The following CYP24A1 variants were observed in gnomAD, a reference collection of about 807,000 sequenced individuals.
The protein encoded by CYP24A1 is 1,25-dihydroxyvitamin D(3) 24-hydroxylase, mitochondrial.
CYP24A1 carries 68 observed loss-of-function variants against 62.4 expected under a neutral mutation model. The ratio of observed to expected loss-of-function variants is 1.09; its 90% CI spans 0.90 to 1.33. The LOEUF is 1.33. Among genes scored for constraint, CYP24A1 ranks in the 40% most tolerant of loss-of-function variants. The pLI is 0.00. For missense variants in CYP24A1, 787 were observed against 653.0 expected (o/e 1.21, Z -2.24); for synonymous variants, 267 against 253.0 (o/e 1.06, Z -0.52).
chr20:54,170,564 T>TG (rs2092690508), intron 3 of CYP24A1, among the ~76,000 whole-genome samples: 1 of 151,656 alleles, frequency 6.6e-6, no homozygotes, highest in African/African-American at 2.4e-5. Flanking sequence ...TTGTTACCAT[T>TG]AAAAAAAACA....
Position 54,157,442 on chromosome 20 carries a change from T to G in CYP24A1, c.1380A>C (p.Arg460Ser). 1 of 1,607,740 alleles carries G rather than the reference T, an allele frequency of 6.2e-7. No individual in the cohort carries two copies. The highest frequency in any genetic ancestry group is 8.5e-7 in the Non-Finnish European group (1 of 1,174,142). ...FAHLPFGVGK[R>S]MCIGRRLAEL... ...CTGCTAATCGGCGACCAATGCACAT[T>G]CTTTTTCCAACGCCAAATGGAAGAT... is the stretch of plus-strand genomic sequence containing the variant. Residue 460 changes from arginine (R) to serine (S), a missense_variant, in exon 10 of 12, where the codon AGA becomes AGC. Arg to Ser is a moderately radical substitution (Grantham distance 110). Coordinates refer to ENST00000216862, the MANE Select transcript of CYP24A1 (RefSeq NM_000782.5).
In CYP24A1 at chr20:54,158,962, A is replaced by G; in HGVS notation, c.1152T>C (p.Ser384=). ...MPYLKACLKE[S]MRLTPSVPFT... Reference sequence around the variant, plus strand: ...GCTCAGAGATAGGCTCTTACCTCATAGATTCTTTCAGACAGGCTTTTAAAT... The same window carrying G: ...GCTCAGAGATAGGCTCTTACCTCATGGATTCTTTCAGACAGGCTTTTAAAT... Residue 384 remains serine (S), a synonymous_variant, in exon 8 of 12, where the codon TCT becomes TCC. Transcript: ENST00000216862. 2 of 1,614,218 alleles carry G rather than the reference A, an allele frequency of 1.2e-6. No homozygotes were observed. The highest frequency in any genetic ancestry group is 1.1e-5 in the South Asian group (1 of 91,088).
intron 7 of CYP24A1, among the ~76,000 whole-genome samples, chr20:54,159,431 G>T (rs1467138016): frequency 7.3e-6 from 1 of 137,384 alleles, no homozygotes; most frequent in African/African-American, 2.8e-5. Context: ...GTCTCACTCT[G>T]TCACCCAGAC....
Position 54,159,013 on chromosome 20 carries a change from C to T in CYP24A1, c.1101G>A (p.Arg367=). The T allele has an allele frequency of 1.2e-6, 2 of 1,614,144 alleles. No individual in the cohort carries two copies. Among genetic ancestry groups the T allele is most frequent in the Non-Finnish European group, 8.5e-7 (1 of 1,180,014 alleles). The change falls in exon 8 of 12, where the codon CGG becomes CGA. Residue 367 remains arginine, a synonymous_variant. Transcript: ENST00000216862. The part of the protein sequence containing the change: ...QSVLPENQVP[R]AEDLRNMPYL... ...ACGGCATATTCCTCAAATCTTCTGC[C>T]CGTGGCACCTGATTCTCAGGTAATA... is the stretch of plus-strand genomic sequence containing the variant.
At chr20:54,162,955 A>G (rs1324789701) in intron 6 of CYP24A1, 93 bp from the exon 7 acceptor site, 5 of 778,658 alleles carry the variant, frequency 6.4e-6, no homozygotes, top group Non-Finnish European at 1.2e-5. Context: ...CCTTCTTGCA[A>G]TATCTAAATA....
intron 7 of CYP24A1, among the ~76,000 whole-genome samples, chr20:54,160,187 T>A (rs2092645146): frequency 6.6e-6 from 1 of 152,206 alleles, no homozygotes; most frequent in Non-Finnish European, 1.5e-5. Flanking sequence ...AAATAAGAAA[T>A]TCAAACATTG....
the CYP24A1 span, among the ~76,000 whole-genome samples, chr20:54,148,081 C>T: frequency 6.6e-6 from 1 of 152,188 alleles, no homozygotes; most frequent in East Asian, 1.9e-4. Flanking sequence ...GGTGATCCAC[C>T]TGCTTTGGCC....
chr20:54,173,714 G>T lies in CYP24A1; in HGVS notation c.-135C>A. ...AGAGGGCCAGCTGGTGTGATGGAGC[G>T]GGGTGAGGCGGGACAGGCAGCAGAA... is the stretch of plus-strand genomic sequence containing the variant. On this transcript the variant is annotated 5_prime_UTR_variant, in exon 1 of 12. Transcript: ENST00000216862. The surrounding 1 kb of genome is among the most constrained non-coding windows in gnomAD (Gnocchi z 7.2). 1 of 641,198 alleles carries T rather than the reference G, an allele frequency of 1.6e-6. No homozygotes were observed. The highest frequency in any genetic ancestry group is 4.2e-4 in the Middle Eastern group (1 of 2,366). The allele number at this position is 641,198 out of a possible 1,614,324, so 39.7% of individuals were successfully genotyped here.
intron 5 of CYP24A1, among the ~76,000 whole-genome samples, chr20:54,164,828 T>TAA (rs772562011): frequency 6.5e-5 from 8 of 122,848 alleles, no homozygotes; most frequent in African/African-American, 2.1e-4. Flanking sequence ...GACCTAATTG[T>TAA]AAAAAAAAAA....
At chr20:54,171,876 G>A in intron 2 of CYP24A1, 1 of 1,267,834 alleles carries the variant, frequency 7.9e-7, no homozygotes, top group East Asian at 2.7e-5. Flanking sequence ...GGATGAAAAA[G>A]CACCTTTCCT....
At position 54,157,296 on chromosome 20, in the gene CYP24A1, T is replaced by C; in HGVS notation, c.1435-7A>G. ...TGTCGTATTTGCGGACAATCTGTAA[T>C]GCACACGCACACAAAAACAGAATTA... is the stretch of plus-strand genomic sequence containing the variant. On this transcript the variant is annotated splice_polypyrimidine_tract_variant and splice_region_variant and intron_variant, in intron 10 of 11. Transcript: ENST00000216862. 1 of 1,565,440 alleles carries C rather than the reference T, an allele frequency of 6.4e-7. No individual in the cohort carries two copies. Among genetic ancestry groups the C allele is most frequent in the Non-Finnish European group, 8.8e-7 (1 of 1,135,726 alleles).
Position 54,164,522 on chromosome 20 carries a change from C to G in CYP24A1, c.774G>C (p.Glu258Asp), listed in dbSNP as rs190860407. Reference sequence around the variant, plus strand: ...CCTTGGTGTTGAGGCTCTTGTGCAGCTCGACTGGAGTGACCATCATCCTCC... The same window carrying G: ...CCTTGGTGTTGAGGCTCTTGTGCAGGTCGACTGGAGTGACCATCATCCTCC... ...TFGRMMVTPV[E>D]LHKSLNTKVW... is the part of the protein sequence containing the mutation. The change falls in exon 6 of 12, where the codon GAG becomes GAC. Residue 258 changes from glutamate (E) to aspartate (D), a missense_variant. Physicochemically the swap from Glu to Asp is conservative, Grantham distance 45. Transcript: ENST00000216862. 2 of 1,614,160 alleles carry G rather than the reference C, an allele frequency of 1.2e-6. No individual in the cohort carries two copies. Among genetic ancestry groups the G allele is most frequent in the Admixed American group, 1.7e-5 (1 of 60,018 alleles).
rs373019700 is a variant in CYP24A1, at chr20:54,173,172, G to A, written c.259-73C>T. The A allele has an allele frequency of 1.9e-6, 3 of 1,558,170 alleles. No homozygotes were observed. Among genetic ancestry groups the A allele is most frequent in the Non-Finnish European group, 1.8e-6 (2 of 1,140,738 alleles). On this transcript the variant is annotated intron_variant, in intron 1 of 11. Coordinates refer to ENST00000216862, the MANE Select transcript of CYP24A1 (RefSeq NM_000782.5). This position sits in a 1 kb window ranked among gnomAD's most constrained non-coding sequence, Gnocchi z 7.2. ...TGCCCGAAGCGCTTTCCCTCCTCCC[G>A]CCTCCTTCCTCCTAGGGGACCGGGG...
chr20:54,169,103 G>GC (rs2146500462), intron 4 of CYP24A1, among the ~76,000 whole-genome samples: 1 of 151,698 alleles, frequency 6.6e-6, no homozygotes, highest in African/African-American at 2.4e-5. Context: ...TTGCTGTGTT[G>GC]CCCAAGCTGT....
intron 4 of CYP24A1, among the ~76,000 whole-genome samples, chr20:54,167,364 G>A (rs2092675718): frequency 6.6e-6 from 1 of 152,194 alleles, no homozygotes; most frequent in Non-Finnish European, 1.5e-5. Flanking sequence ...TTACTCTGCT[G>A]GGCACAATGG....
At position 54,157,539 on chromosome 20, in the gene CYP24A1, T is replaced by C; in HGVS notation, c.1283A>G (p.Asn428Ser). ...TCTAAACTGACTTGAATCTTCAAAA[T>C]TGTCTTCACTGGATCCCAACACCTG... Reference protein sequence around the residue: ...NTQVLGSSEDNFEDSSQFRPE... With the variant: ...NTQVLGSSEDSFEDSSQFRPE... Residue 428 changes from asparagine to serine, a missense_variant, in exon 10 of 12, where the codon AAT (asparagine) becomes AGT (serine). By Grantham distance (46) the Asn-to-Ser change is conservative (BLOSUM62 1). Coordinates refer to ENST00000216862, the MANE Select transcript of CYP24A1 (RefSeq NM_000782.5). 6.2e-7 allele frequency: 1 copy of C among 1,605,464 alleles called. No homozygotes were observed. Among genetic ancestry groups the C allele is most frequent in the Non-Finnish European group, 8.5e-7 (1 of 1,172,128 alleles).
At chr20:54,158,601 C>T (rs1373129985) in intron 8 of CYP24A1, among the ~76,000 whole-genome samples, 1 of 152,172 alleles carries the variant, frequency 6.6e-6, no homozygotes, top group Non-Finnish European at 1.5e-5. Context: ...ACCAGAGGCT[C>T]AAAAGCAAAG....
downstream of CYP24A1, among the ~76,000 whole-genome samples, chr20:54,153,249 A>G (rs1221232817): frequency 1.3e-5 from 2 of 152,254 alleles, no homozygotes; most frequent in Non-Finnish European, 2.9e-5. Context: ...ATATTTAAGC[A>G]GCAACAAAAT....
chr20:54,166,297 C>T (rs1197771267), intron 4 of CYP24A1, among the ~76,000 whole-genome samples: 2 of 152,140 alleles, frequency 1.3e-5, no homozygotes, highest in African/African-American at 4.8e-5. Flanking sequence ...ACTGGGCTAG[C>T]ACTTCATATA....
Sources: allele counts gnomAD v4.1 joint callset (sites outside exome capture counted in the v4.1 genomes callset), GRCh38; gene constraint gnomAD v4.1.1; non-coding constraint Gnocchi (gnomAD v3.1); transcripts MANE v1.5; gene names NCBI Gene and HGNC (gene_info 2026-07-23, HGNC 2026-07-21).